STAU2: variants seen among roughly 807,000 people sequenced by gnomAD.
STAU2 encodes the protein staufen double-stranded RNA binding protein 2, also known as double-stranded RNA-binding protein Staufen homolog 2.
A neutral mutation model predicts 65.9 loss-of-function variants in STAU2; 20 were observed. The ratio of observed to expected loss-of-function variants is 0.30; its 90% confidence interval spans 0.21 to 0.44. The LOEUF is 0.44. Ranked by LOEUF, STAU2 falls within the 20% of genes least tolerant of loss-of-function variation. The probability of loss-of-function intolerance (pLI) is 1.00; values close to 1 mark genes in which losing one functional copy is unlikely to be tolerated. For synonymous variants in STAU2, 232 were observed against 233.9 expected (o/e 0.99, Z 0.07); for missense variants, 558 against 683.9 (o/e 0.82, Z 2.05).
intron 12 of STAU2, among the ~76,000 whole-genome samples, chr8:73,569,616 C>T (rs1808886857): frequency 6.6e-6 from 1 of 151,974 alleles, no homozygotes; most frequent in Non-Finnish European, 1.5e-5. Context: ...GACGCTTCCA[C>T]AGGAACGATC....
At chr8:73,558,002 AGAT>A (rs1235149691) in intron 12 of STAU2, among the ~76,000 whole-genome samples, 1 of 152,204 alleles carries the variant, frequency 6.6e-6, no homozygotes, top group Non-Finnish European at 1.5e-5. Context: ...CCTATATTAG[AGAT>A]GAAAAAAACT....
At chr8:73,559,902 C>A (rs1808071648) in intron 12 of STAU2, among the ~76,000 whole-genome samples, 2 of 151,684 alleles carry the variant, frequency 1.3e-5, no homozygotes, top group Admixed American at 1.3e-4. Context: ...ATCAACAATG[C>A]AAAATATAAA....
chr8:73,578,294 C>A (rs1271550580), intron 12 of STAU2, among the ~76,000 whole-genome samples: 2 of 152,130 alleles, frequency 1.3e-5, no homozygotes, highest in Admixed American at 6.6e-5. Flanking sequence ...ATTTCAGATT[C>A]TTTTTCCTTT....
At chr8:73,567,225 A>G (rs1056844356) in intron 12 of STAU2, among the ~76,000 whole-genome samples, 1 of 152,182 alleles carries the variant, frequency 6.6e-6, no homozygotes, top group Non-Finnish European at 1.5e-5. Flanking sequence ...ATTAAAAAAA[A>G]GGCCGGGCGC....
At chr8:73,442,189 C>T (rs1190644714) in intron 13 of STAU2, among the ~76,000 whole-genome samples, 2 of 151,818 alleles carry the variant, frequency 1.3e-5, no homozygotes, top group Non-Finnish European at 2.9e-5. Flanking sequence ...CCCTTCTCTA[C>T]TAAAAATACA....
intron 3 of STAU2, among the ~76,000 whole-genome samples, chr8:73,717,840 CT>C (rs1821363106): frequency 6.6e-6 from 1 of 152,192 alleles, no homozygotes; most frequent in Non-Finnish European, 1.5e-5. Context: ...CCACACTGTT[CT>C]TTTTCACAGT....
chr8:73,545,626 G>A (rs1395067589), intron 13 of STAU2, among the ~76,000 whole-genome samples: 1 of 148,412 alleles, frequency 6.7e-6, no homozygotes, highest in African/African-American at 2.5e-5. Flanking sequence ...TCTCAAAGGA[G>A]TCAGAATTCT....
At chr8:73,643,634 C>T (rs1407152738) in intron 6 of STAU2, among the ~76,000 whole-genome samples, 3 of 152,098 alleles carry the variant, frequency 2.0e-5, no homozygotes, top group African/African-American at 4.8e-5. Flanking sequence ...ATCAACATAC[C>T]ATATACCTGT....
intron 5 of STAU2, among the ~76,000 whole-genome samples, chr8:73,678,948 G>A: frequency 6.6e-6 from 1 of 152,140 alleles, no homozygotes; most frequent in East Asian, 1.9e-4. Flanking sequence ...TGAAACAAGT[G>A]TCTATGTGAT....
At chr8:73,685,052 G>A (rs562980447) in intron 5 of STAU2, among the ~76,000 whole-genome samples, 61 of 152,256 alleles carry the variant, frequency 4.0e-4, no homozygotes, top group African/African-American at 1.4e-3. Flanking sequence ...TAGTGACTGA[G>A]TTCTCACAAG....
intron 1 of STAU2, among the ~76,000 whole-genome samples, chr8:73,743,262 G>A (rs1287600789): frequency 6.7e-6 from 1 of 149,740 alleles, no homozygotes; most frequent in Non-Finnish European, 1.5e-5. Flanking sequence ...GACACCAATT[G>A]TATACGCTAG....
intron 13 of STAU2, among the ~76,000 whole-genome samples, chr8:73,465,142 G>A (rs1213668891): frequency 2.0e-5 from 3 of 152,182 alleles, no homozygotes; most frequent in Non-Finnish European, 4.4e-5. Flanking sequence ...AAAGAGAAAT[G>A]AGCCCACCCC....
intron 10 of STAU2, among the ~76,000 whole-genome samples, chr8:73,598,203 A>G (rs1804130640): frequency 6.6e-6 from 1 of 151,932 alleles, no homozygotes; most frequent in Admixed American, 6.6e-5. Flanking sequence ...GAAAATTATT[A>G]GCAAACTAGG....
intron 13 of STAU2, among the ~76,000 whole-genome samples, chr8:73,435,095 GC>G (rs533231914): frequency 9.2e-5 from 14 of 151,702 alleles, no homozygotes; most frequent in Non-Finnish European, 1.3e-4. Context: ...GTATGGAGAT[GC>G]CCCCCCTGGA....
At chr8:73,732,074 G>C (rs1475085644) in intron 3 of STAU2, among the ~76,000 whole-genome samples, 1 of 152,248 alleles carries the variant, frequency 6.6e-6, no homozygotes, top group Non-Finnish European at 1.5e-5. Flanking sequence ...TTGCAGTCAA[G>C]ATGTCAGCAG....
intron 11 of STAU2, among the ~76,000 whole-genome samples, chr8:73,583,825 T>C (rs1013447147): frequency 1.3e-5 from 2 of 152,326 alleles, no homozygotes; most frequent in East Asian, 1.9e-4. Context: ...TTCTGAAATG[T>C]AGATGCTTTG....
At chr8:73,584,864 T>A (rs1181968959) in intron 11 of STAU2, among the ~76,000 whole-genome samples, 2 of 152,190 alleles carry the variant, frequency 1.3e-5, no homozygotes, top group Non-Finnish European at 2.9e-5. Context: ...TAAAAGATTT[T>A]GAAAAGCAGC....
At chr8:73,615,558 G>GA in intron 8 of STAU2, 117 bp downstream of exon 8, 1 of 700,696 alleles carries the variant, frequency 1.4e-6, no homozygotes, top group Non-Finnish European at 2.5e-6. Flanking sequence ...TACTGGGTTT[G>GA]AACATATAGA....
At chr8:73,619,444 T>C (rs556503184) in intron 6 of STAU2, among the ~76,000 whole-genome samples, 7 of 152,304 alleles carry the variant, frequency 4.6e-5, no homozygotes, top group East Asian at 1.9e-4. Context: ...AGAAGTCCAA[T>C]TGAGGTCCTA....
Sources: allele counts gnomAD v4.1 joint callset (sites outside exome capture counted in the v4.1 genomes callset), GRCh38; gene constraint gnomAD v4.1.1; transcripts MANE v1.5; gene names NCBI Gene and HGNC (gene_info 2026-07-23, HGNC 2026-07-21).